The following SIK2 variants were observed in gnomAD, a reference collection of about 807,000 sequenced individuals.
SIK2 encodes serine/threonine-protein kinase SIK2.
SIK2 carries 29 observed loss-of-function variants against 103.2 expected under a neutral mutation model. The observed-to-expected ratio is 0.28, with a 90% confidence interval of 0.21 to 0.38. SIK2 has a LOEUF of 0.38. Among genes scored for constraint, SIK2 ranks in the 10% least tolerant of loss-of-function variants. The pLI is 1.00. For missense variants in SIK2, 879 were observed against 1,171.0 expected (o/e 0.75, Z 3.64); for synonymous variants, 412 against 446.1 (o/e 0.92, Z 0.96).
chr11:111,602,608 C>T lies in SIK2; in HGVS notation c.45C>T (p.Val15=). 6.5e-7 allele frequency: 1 copy of T among 1,532,998 alleles called. No homozygotes were observed. The highest frequency in any genetic ancestry group is 8.8e-7 in the Non-Finnish European group (1 of 1,139,500). The allele number at this position is 1,532,998 out of a possible 1,614,324, so 95.0% of individuals were successfully genotyped here. A position where few individuals can be genotyped will look rare whatever the true frequency, so the allele number is the denominator to read the frequency against. Residue 15 remains valine, a synonymous_variant, in exon 1 of 15, where the codon GTC becomes GTT. Coordinates refer to ENST00000304987, the MANE Select transcript of SIK2 (RefSeq NM_015191.3). This position sits in a 1 kb window ranked among gnomAD's most constrained non-coding sequence, Gnocchi z 4.5. The part of the protein sequence containing the change: ...DGPRHLQRGP[V]RVGFYDIEGT... ...CGAGGCACTTGCAGCGCGGGCCGGT[C>T]CGGGTGGGGTTCTACGACATCGAGG...
rs1480491312 is a variant in SIK2 at position 111,722,434 on chromosome 11, A to C, written c.2056-231A>C. 6.6e-6 allele frequency among the ~76,000 whole-genome samples: 1 copy of C among 152,204 alleles called. No individual in the cohort carries two copies. The highest frequency in any genetic ancestry group is 1.5e-5 in the Non-Finnish European group (1 of 68,042). Reference sequence around the variant, plus strand: ...TAATGTCCATGAGCCTCACAGTCCTAGTGGACTTTTGGAAATGGAGTGGAA... The same window carrying C: ...TAATGTCCATGAGCCTCACAGTCCTCGTGGACTTTTGGAAATGGAGTGGAA... On this transcript the variant is annotated intron_variant, in intron 13 of 14. Transcript: ENST00000304987. This position sits in a 1 kb window ranked among gnomAD's most constrained non-coding sequence, Gnocchi z 4.4.
At chr11:111,716,542 G>A (rs180973981) in intron 9 of SIK2, among the ~76,000 whole-genome samples, 204 of 152,048 alleles carry the variant, frequency 1.3e-3, no homozygotes, top group Admixed American at 3.1e-3. Flanking sequence ...GCACCACTGC[G>A]CTCCAGCCTG....
At chr11:111,635,462 A>AG (rs1942096904) in intron 3 of SIK2, among the ~76,000 whole-genome samples, 1 of 68,620 alleles carries the variant, frequency 1.5e-5, no homozygotes, top group Non-Finnish European at 2.8e-5. Context: ...GAGGGAGGGA[A>AG]ATGAGTAAGG....
At chr11:111,654,840 CA>C (rs1222388358) in intron 3 of SIK2, among the ~76,000 whole-genome samples, 1 of 152,146 alleles carries the variant, frequency 6.6e-6, no homozygotes, top group Non-Finnish European at 1.5e-5. Context: ...GAGTATTGTA[CA>C]AAAGCTTCAT....
At chr11:111,682,127 C>A (rs1461544324) in intron 3 of SIK2, among the ~76,000 whole-genome samples, 1 of 152,094 alleles carries the variant, frequency 6.6e-6, no homozygotes, top group African/African-American at 2.4e-5. Flanking sequence ...TCTTAGCACT[C>A]CTAAAAGAAG....
chr11:111,704,096 AG>A (rs1943280571), intron 7 of SIK2, among the ~76,000 whole-genome samples: 1 of 152,256 alleles, frequency 6.6e-6, no homozygotes, highest in Non-Finnish European at 1.5e-5. Context: ...TGAAAGACCA[AG>A]GCTCCGGGCT....
intron 3 of SIK2, among the ~76,000 whole-genome samples, chr11:111,667,473 G>C (rs1426211140): frequency 6.9e-6 from 1 of 145,578 alleles, no homozygotes; most frequent in Non-Finnish European, 1.5e-5. Flanking sequence ...CTGATCAATA[G>C]TTATTGTTGG....
intron 3 of SIK2, among the ~76,000 whole-genome samples, chr11:111,685,634 A>G (rs1470860653): frequency 6.6e-6 from 1 of 152,126 alleles, no homozygotes; most frequent in East Asian, 1.9e-4. Context: ...GCTTGAGTCC[A>G]GGAGTTTGAG....
intron 1 of SIK2, among the ~76,000 whole-genome samples, chr11:111,604,084 T>A (rs543789444): frequency 6.6e-6 from 1 of 152,260 alleles, no homozygotes; most frequent in Non-Finnish European, 1.5e-5. Context: ...TCAGATATTT[T>A]CTTCTCACAG....
chr11:111,641,903 G>A (rs926820428), intron 3 of SIK2, among the ~76,000 whole-genome samples: 7 of 152,144 alleles, frequency 4.6e-5, no homozygotes, highest in East Asian at 1.9e-4. Flanking sequence ...TGGAAGAGTC[G>A]CTTACCTTTT....
At chr11:111,719,020 CCT>C (rs963358852) in intron 9 of SIK2, among the ~76,000 whole-genome samples, 1 of 152,128 alleles carries the variant, frequency 6.6e-6, no homozygotes, top group African/African-American at 2.4e-5. Flanking sequence ...TGCGCTCACC[CCT>C]GTGGGATAGG....
At chr11:111,604,206 C>A (rs899234908) in intron 1 of SIK2, among the ~76,000 whole-genome samples, 1 of 152,230 alleles carries the variant, frequency 6.6e-6, no homozygotes, top group African/African-American at 2.4e-5. Flanking sequence ...GAAATTGGTT[C>A]CATTCCTCTG....
intron 3 of SIK2, among the ~76,000 whole-genome samples, chr11:111,687,351 C>G (rs527357024): frequency 1.5e-4 from 23 of 151,716 alleles, no homozygotes; most frequent in Admixed American, 1.5e-3. Context: ...CCCATCTATA[C>G]TAAAAATACA....
chr11:111,721,579 T>G (rs1480412539), intron 12 of SIK2, among the ~76,000 whole-genome samples: 1 of 152,240 alleles, frequency 6.6e-6, no homozygotes, highest in Admixed American at 6.5e-5. Flanking sequence ...ATGAAGGCCA[T>G]AGCCTCCTGG....
intron 3 of SIK2, chr11:111,672,494 T>C: frequency 4.9e-6 from 1 of 203,164 alleles, no homozygotes. Flanking sequence ...GATTAACACG[T>C]CATAATAATT....
chr11:111,699,862 T>TA (rs1943169443), intron 4 of SIK2, among the ~76,000 whole-genome samples: 1 of 152,208 alleles, frequency 6.6e-6, no homozygotes, highest in Admixed American at 6.5e-5. Flanking sequence ...ATCCAGTCAA[T>TA]CTGTCTGGCA....
chr11:111,676,175 A>G (rs1486001139), intron 3 of SIK2, among the ~76,000 whole-genome samples: 1 of 152,170 alleles, frequency 6.6e-6, no homozygotes, highest in Non-Finnish European at 1.5e-5. Flanking sequence ...ATGGGCGTCT[A>G]GGTTGATTCC....
intron 1 of SIK2, among the ~76,000 whole-genome samples, chr11:111,610,249 G>C (rs908282638): frequency 2.0e-5 from 3 of 151,906 alleles, no homozygotes; most frequent in Non-Finnish European, 4.4e-5. Context: ...CAGCACTTTG[G>C]GGGGCCGAGG....
At chr11:111,709,377 G>A (rs1374116156) in intron 8 of SIK2, among the ~76,000 whole-genome samples, 1 of 152,220 alleles carries the variant, frequency 6.6e-6, no homozygotes, top group Non-Finnish European at 1.5e-5. Context: ...GGCTCAACTT[G>A]TGAATTTTGG....
Sources: allele counts gnomAD v4.1 joint callset (sites outside exome capture counted in the v4.1 genomes callset), GRCh38; gene constraint gnomAD v4.1.1; non-coding constraint Gnocchi (gnomAD v3.1); transcripts MANE v1.5; gene names NCBI Gene and HGNC (gene_info 2026-07-23, HGNC 2026-07-21).